ZNF804B: variants seen among roughly 807,000 people sequenced by gnomAD.
The protein encoded by ZNF804B is zinc finger 804B.
Under a neutral mutation model 101.4 loss-of-function variants are expected in ZNF804B, and 80 were observed. That is an observed-to-expected ratio of 0.79 (90% confidence interval 0.66 to 0.95). The LOEUF is 0.95. ZNF804B is among the 40% of genes least tolerant of loss of function. The pLI is 0.00. For missense variants in ZNF804B, 1,673 were observed against 1,561.9 expected (o/e 1.07, Z -1.20); for synonymous variants, 622 against 558.8 (o/e 1.11, Z -1.59).
intron 1 of ZNF804B, among the ~76,000 whole-genome samples, chr7:88,992,541 C>T (rs887707896): frequency 1.9e-4 from 29 of 151,962 alleles, no homozygotes; most frequent in African/African-American, 4.3e-4. Context: ...TGGCCTTAAG[C>T]GGGGGCTATG....
intron 1 of ZNF804B, among the ~76,000 whole-genome samples, chr7:88,808,583 T>C (rs1259926699): frequency 6.6e-6 from 1 of 152,150 alleles, no homozygotes; most frequent in African/African-American, 2.4e-5. Context: ...TCTCGCATTA[T>C]GTCTCAAGAA....
chr7:89,049,224 G>A (rs991107405), intron 1 of ZNF804B, among the ~76,000 whole-genome samples: 3 of 152,144 alleles, frequency 2.0e-5, no homozygotes, highest in African/African-American at 7.2e-5. Context: ...GTCATTGACA[G>A]GCCATGTGGG....
At chr7:88,845,284 C>CGTGCGT (rs1256318861) in intron 1 of ZNF804B, among the ~76,000 whole-genome samples, 7 of 111,112 alleles carry the variant, frequency 6.3e-5, no homozygotes, top group African/African-American at 3.1e-4. Flanking sequence ...TGTGCGCACG[C>CGTGCGT]GCGCGCGCAC....
At chr7:89,083,095 T>C (rs959402203) in intron 1 of ZNF804B, among the ~76,000 whole-genome samples, 4 of 151,832 alleles carry the variant, frequency 2.6e-5, no homozygotes, top group African/African-American at 9.7e-5. Context: ...AAATGCCTTT[T>C]GTAAATGCCT....
chr7:89,157,022 C>G (rs1490152872), intron 1 of ZNF804B, among the ~76,000 whole-genome samples: 6 of 152,198 alleles, frequency 3.9e-5, no homozygotes, highest in Admixed American at 3.3e-4. Flanking sequence ...AAATCACCCT[C>G]ATTTACTCGA....
At chr7:89,237,399 T>G (rs1215128032) in intron 2 of ZNF804B, among the ~76,000 whole-genome samples, 1 of 152,164 alleles carries the variant, frequency 6.6e-6, no homozygotes, top group African/African-American at 2.4e-5. Flanking sequence ...ATACCTTCAG[T>G]TTCCTTAGGT....
Position 88,962,432 on chromosome 7 carries a change from G to C in ZNF804B, c.108+202348G>C, listed in dbSNP as rs1793398803. On this transcript the variant is annotated intron_variant, in intron 1 of 3. Transcript: ENST00000333190. The stretch of plus-strand genomic sequence containing the variant: ...ATGGGCAGTGTTCTGATTTAAACTT[G>C]CTCCTCATTGAACTCAGTATTGCTC... 1.3e-5 allele frequency among the ~76,000 whole-genome samples: 2 copies of C among 150,868 alleles called. 1 individual carries two copies. Among genetic ancestry groups the C allele is most frequent in the Non-Finnish European group, 3.0e-5 (2 of 67,376 alleles).
chr7:88,882,028 G>A lies in ZNF804B; in HGVS notation c.108+121944G>A, dbSNP rs531173739. On this transcript the variant is annotated intron_variant, in intron 1 of 3. Coordinates refer to ENST00000333190, the MANE Select transcript of ZNF804B (RefSeq NM_181646.5). ...TTCTCAATAAAACCAAAACAAAGCT[G>A]TAACTCTGAGTCTGTTCTCTTTCAC... 5.9e-5 allele frequency among the ~76,000 whole-genome samples: 9 copies of A among 152,248 alleles called. No homozygotes were observed. The East Asian group carries it at 1.7e-3, about 29-fold the overall frequency.
In ZNF804B at chr7:88,984,930, C is replaced by T. The variant is rs532262548; in HGVS notation, c.108+224846C>T. On this transcript the variant is annotated intron_variant, in intron 1 of 3. Coordinates refer to ENST00000333190, the MANE Select transcript of ZNF804B (RefSeq NM_181646.5). ...AATAAATGGTCTGCCTTGGACTTAC[C>T]TTACACTAAAACCCTTGACACTAGA... Among the ~76,000 whole-genome samples the T allele has an allele frequency of 7.9e-5, 12 of 151,842 alleles. No homozygotes were observed. In the East Asian group the frequency reaches 2.3e-3, roughly 30 times the overall value.
At chr7:89,242,019 G>C (rs1165685950) in intron 2 of ZNF804B, among the ~76,000 whole-genome samples, 7 of 150,988 alleles carry the variant, frequency 4.6e-5, no homozygotes, top group Non-Finnish European at 4.4e-5. Context: ...TACAAAGCTT[G>C]ACCTCATCCT....
At chr7:89,306,271 C>A (rs1379393919) in intron 2 of ZNF804B, among the ~76,000 whole-genome samples, 1 of 151,900 alleles carries the variant, frequency 6.6e-6, no homozygotes, top group Non-Finnish European at 1.5e-5. Context: ...TAATAGTTTT[C>A]TGAGATTTGA....
chr7:88,884,677 A>T (rs1286281854), intron 1 of ZNF804B, among the ~76,000 whole-genome samples: 1 of 151,926 alleles, frequency 6.6e-6, no homozygotes, highest in African/African-American at 2.4e-5. Flanking sequence ...TGAGATTGAT[A>T]TGTAATAACT....
chr7:88,840,285 C>T (rs1791276044), intron 1 of ZNF804B, among the ~76,000 whole-genome samples: 1 of 152,052 alleles, frequency 6.6e-6, no homozygotes, highest in Non-Finnish European at 1.5e-5. Context: ...TTCTAATGAT[C>T]ATCATCATGA....
intron 2 of ZNF804B, among the ~76,000 whole-genome samples, chr7:89,245,272 A>C (rs1455876054): frequency 6.6e-6 from 1 of 152,174 alleles, no homozygotes; most frequent in East Asian, 1.9e-4. Context: ...AGGATTGAAA[A>C]ATATAAATTA....
At chr7:89,207,166 TG>T (rs1262201376) in intron 1 of ZNF804B, among the ~76,000 whole-genome samples, 4 of 152,226 alleles carry the variant, frequency 2.6e-5, no homozygotes, top group Non-Finnish European at 5.9e-5. Context: ...TCCACATTTT[TG>T]GGTATCTTTA....
At chr7:89,192,093 CTT>C (rs1381010283) in intron 1 of ZNF804B, among the ~76,000 whole-genome samples, 1 of 151,994 alleles carries the variant, frequency 6.6e-6, no homozygotes, top group Non-Finnish European at 1.5e-5. Context: ...ATAAATTAGA[CTT>C]ATCATTAACT....
At chr7:89,070,423 G>T (rs1789519113) in intron 1 of ZNF804B, among the ~76,000 whole-genome samples, 1 of 152,140 alleles carries the variant, frequency 6.6e-6, no homozygotes, top group Admixed American at 6.5e-5. Flanking sequence ...TAACAGCTCA[G>T]ATCTGGCTCC....
At chr7:89,302,370 G>A (rs1014801741) in intron 2 of ZNF804B, among the ~76,000 whole-genome samples, 4 of 151,854 alleles carry the variant, frequency 2.6e-5, no homozygotes, top group African/African-American at 9.7e-5. Context: ...GACCCTTGGT[G>A]TTAGTTGTTT....
chr7:89,178,636 G>T (rs1788241300), intron 1 of ZNF804B, among the ~76,000 whole-genome samples: 1 of 151,956 alleles, frequency 6.6e-6, no homozygotes, highest in Admixed American at 6.6e-5. Flanking sequence ...TTGAAAAGTT[G>T]TCACAGTTAT....
Sources: gnomAD v4.1 joint callset for allele counts (sites outside exome capture counted in the v4.1 genomes callset) on GRCh38, gnomAD v4.1.1 for gene constraint, MANE v1.5 for transcripts, NCBI Gene and HGNC (gene_info 2026-07-23, HGNC 2026-07-21) for gene names.